Variants in UTRN observed in about 807,000 individuals in gnomAD.
UTRN encodes utrophin.
A neutral mutation model predicts 463.9 loss-of-function variants in UTRN; 283 were observed. The observed-to-expected ratio is 0.61, with a 90% CI of 0.55 to 0.67. The LOEUF is 0.67. Among genes scored for constraint, UTRN ranks in the 30% least tolerant of loss-of-function variants. The pLI is 0.00. For synonymous variants in UTRN, 1,442 were observed against 1,431.5 expected (o/e 1.01, Z -0.17); for missense variants, 3,922 against 4,084.3 (o/e 0.96, Z 1.08).
rs1431563220 is a variant in UTRN, at chr6:144,851,018, A to G, written c.*21A>G. On this transcript the variant is annotated 3_prime_UTR_variant, in exon 75 of 75. Coordinates refer to ENST00000367545, the MANE Select transcript of UTRN (RefSeq NM_007124.3). ...TGTGAAGTATTCATCCGGCCAACCA[A>G]TGTTTCCTGACGTACAGTGTTGCCC... The G allele has an allele frequency of 6.8e-6, 11 of 1,613,560 alleles. No individual in the cohort carries two copies. In the South Asian group the frequency reaches 7.7e-5, roughly 11 times the overall value.
chr6:144,409,643 C>T (rs1045287177), intron 3 of UTRN, among the ~76,000 whole-genome samples: 3 of 152,058 alleles, frequency 2.0e-5, no homozygotes, highest in African/African-American at 7.2e-5. Flanking sequence ...AGAATCTCTA[C>T]CTATTACACA....
intron 51 of UTRN, among the ~76,000 whole-genome samples, chr6:144,600,971 A>G (rs899155676): frequency 6.6e-6 from 1 of 152,234 alleles, no homozygotes; most frequent in African/African-American, 2.4e-5. Context: ...AATCTATTCT[A>G]TCTGTGCTCA....
At chr6:144,698,481 A>C (rs940846654) in intron 52 of UTRN, among the ~76,000 whole-genome samples, 4 of 152,264 alleles carry the variant, frequency 2.6e-5, no homozygotes, top group African/African-American at 4.8e-5. Flanking sequence ...TGAAAGGCAG[A>C]CGTGTGCCTT....
Position 144,286,229 on chromosome 6 carries a change from A to G in UTRN, c.-93+408A>G, listed in dbSNP as rs563305921. ...CTGGGCCAGTGATTTGCAAGAGGGGACGTGGCCTCTTAGGAGAGTCTGTCA... is the reference window on the plus strand; with the variant it reads ...CTGGGCCAGTGATTTGCAAGAGGGGGCGTGGCCTCTTAGGAGAGTCTGTCA... On this transcript the variant is annotated intron_variant, in intron 1 of 74. Transcript: ENST00000367545. The surrounding 1 kb of genome is among the most constrained non-coding windows in gnomAD (Gnocchi z 4.4). 6.6e-6 allele frequency among the ~76,000 whole-genome samples: 1 copy of G among 151,370 alleles called. No homozygotes were observed. Among genetic ancestry groups the G allele is most frequent in the East Asian group, 1.9e-4 (1 of 5,164 alleles).
chr6:144,452,162 C>T (rs920927223), intron 18 of UTRN, among the ~76,000 whole-genome samples: 1 of 152,126 alleles, frequency 6.6e-6, no homozygotes, highest in Admixed American at 6.5e-5. Context: ...TTCTCCAGTT[C>T]GATGGTGACT....
intron 60 of UTRN, among the ~76,000 whole-genome samples, chr6:144,775,398 A>G (rs185911465): frequency 3.9e-5 from 6 of 152,298 alleles, no homozygotes; most frequent in Admixed American, 1.3e-4. Flanking sequence ...AGATGAGGCA[A>G]TGCAAGGAAG....
At position 144,793,881 on chromosome 6, in the gene UTRN, C is replaced by A; in HGVS notation, c.8968C>A (p.Gln2990Lys). The A allele has an allele frequency of 6.2e-7, 1 of 1,614,144 alleles. No individual in the cohort carries two copies. Among genetic ancestry groups the A allele is most frequent in the Non-Finnish European group, 8.5e-7 (1 of 1,180,004 alleles). Reference protein sequence around the residue: ...AGPTEMCDQRQLGLLLHDAIQ... With the variant: ...AGPTEMCDQRKLGLLLHDAIQ... The stretch of plus-strand genomic sequence containing the variant: ...GCCAACAGAAATGTGTGACCAGAGG[C>A]AGCTGGGCCTGTTACTTCATGATGC... The change falls in exon 63 of 75, where the codon CAG becomes AAG. Residue 2990 changes from glutamine to lysine, a missense_variant. Physicochemically the swap from Gln to Lys is moderately conservative, Grantham distance 53 (BLOSUM62 1). Coordinates refer to ENST00000367545, the MANE Select transcript of UTRN (RefSeq NM_007124.3).
chr6:144,690,227 C>G (rs75734428), intron 52 of UTRN, among the ~76,000 whole-genome samples: 12,947 of 150,286 alleles, frequency 0.086, 884 homozygotes, highest in East Asian at 0.23. Flanking sequence ...AGCAGCAGCC[C>G]TAGTGGGATT....
At chr6:144,517,059 A>G in intron 39 of UTRN, 111 bp downstream of exon 39, 1 of 957,430 alleles carries the variant, frequency 1.0e-6, no homozygotes, top group African/African-American at 1.7e-5. Flanking sequence ...TTGGAATATC[A>G]TCTCCTCCTT....
chr6:144,484,485 C>G (rs1380029011), intron 27 of UTRN, among the ~76,000 whole-genome samples: 1 of 134,250 alleles, frequency 7.4e-6, no homozygotes, highest in East Asian at 2.2e-4. Context: ...TCTTGTTACC[C>G]AGGCTGGAGG....
At chr6:144,491,532 A>C (rs1039994675) in intron 32 of UTRN, among the ~76,000 whole-genome samples, 9 of 152,198 alleles carry the variant, frequency 5.9e-5, no homozygotes, top group Non-Finnish European at 1.2e-4. Flanking sequence ...AAACCTTAAG[A>C]TAGGAAAGAA....
intron 58 of UTRN, among the ~76,000 whole-genome samples, chr6:144,769,395 A>C (rs920330612): frequency 2.0e-5 from 3 of 152,132 alleles, no homozygotes; most frequent in Non-Finnish European, 4.4e-5. Flanking sequence ...CTGTGTTGGC[A>C]GTTCTGCCTA....
At chr6:144,779,749 A>C (rs941113529) in intron 60 of UTRN, among the ~76,000 whole-genome samples, 2 of 152,248 alleles carry the variant, frequency 1.3e-5, no homozygotes, top group Non-Finnish European at 2.9e-5. Context: ...CGTCAACTGT[A>C]CAGGGCAAAG....
At chr6:144,827,911 T>C (rs1335577657) in intron 68 of UTRN, among the ~76,000 whole-genome samples, 1 of 152,160 alleles carries the variant, frequency 6.6e-6, no homozygotes, top group Non-Finnish European at 1.5e-5. Flanking sequence ...ATTCTCCAGC[T>C]AATGAGAATC....
chr6:144,538,893 TA>T, intron 44 of UTRN, among the ~76,000 whole-genome samples: 1 of 152,352 alleles, frequency 6.6e-6, no homozygotes, highest in Middle Eastern at 3.4e-3. Flanking sequence ...CTTTTTTACC[TA>T]AAAATTTCAG....
intron 41 of UTRN, among the ~76,000 whole-genome samples, chr6:144,526,863 C>T (rs998196421): frequency 1.3e-5 from 2 of 150,940 alleles, no homozygotes; most frequent in Non-Finnish European, 2.9e-5. Flanking sequence ...GTGGCATGAT[C>T]TCGGCTTACT....
chr6:144,804,037 A>G (rs1453748403), intron 65 of UTRN, among the ~76,000 whole-genome samples: 2 of 152,122 alleles, frequency 1.3e-5, no homozygotes, highest in African/African-American at 4.8e-5. Context: ...TTTTTCCTGA[A>G]GTTATCCTCA....
chr6:144,414,026 C>T (rs1784150472), intron 3 of UTRN, among the ~76,000 whole-genome samples: 1 of 152,000 alleles, frequency 6.6e-6, no homozygotes, highest in Admixed American at 6.5e-5. Flanking sequence ...TGGTCTCGAA[C>T]TCCTGATCTC....
chr6:144,795,039 A>G (rs1423243709), intron 63 of UTRN, among the ~76,000 whole-genome samples: 1 of 152,010 alleles, frequency 6.6e-6, no homozygotes, highest in Admixed American at 6.5e-5. Context: ...ACCCACTGAC[A>G]GGCCCCAGTG....
Sources: gnomAD v4.1 joint callset for allele counts (sites outside exome capture counted in the v4.1 genomes callset) on GRCh38, gnomAD v4.1.1 for gene constraint, Gnocchi (gnomAD v3.1) non-coding constraint, MANE v1.5 for transcripts, NCBI Gene and HGNC (gene_info 2026-07-23, HGNC 2026-07-21) for gene names.